Variants in PPP4R3B observed in about 807,000 individuals in gnomAD.
The protein encoded by PPP4R3B is serine/threonine-protein phosphatase 4 regulatory subunit 3B.
In PPP4R3B, 52 loss-of-function variants were observed where a neutral mutation model predicts 95.4. The ratio of observed to expected loss-of-function variants is 0.54; its 90% CI spans 0.44 to 0.69. The LOEUF is 0.69. Among genes scored for constraint, PPP4R3B ranks in the 30% least tolerant of loss-of-function variants. The pLI is 0.00. For synonymous variants in PPP4R3B, 407 were observed against 343.9 expected (o/e 1.18, Z -2.03); for missense variants, 1,003 against 1,005.9 (o/e 1.00, Z 0.04).
At chr2:55,606,384 A>C (rs934570094) in intron 2 of PPP4R3B, among the ~76,000 whole-genome samples, 2 of 152,126 alleles carry the variant, frequency 1.3e-5, no homozygotes, top group Admixed American at 1.3e-4. Flanking sequence ...ATATAAATCC[A>C]TATTTAAAAT....
intron 5 of PPP4R3B, among the ~76,000 whole-genome samples, chr2:55,588,190 G>C (rs572765621): frequency 6.6e-6 from 1 of 152,130 alleles, no homozygotes; most frequent in Non-Finnish European, 1.5e-5. Context: ...ATTTATTCAG[G>C]AAGCATTTTC....
At chr2:55,553,273 A>G (rs1370160300) in intron 16 of PPP4R3B, among the ~76,000 whole-genome samples, 7 of 152,222 alleles carry the variant, frequency 4.6e-5, no homozygotes, top group Admixed American at 3.9e-4. Flanking sequence ...AAGCTTTGCT[A>G]TGTAGGCACT....
At chr2:55,573,175 C>A (rs1688225478) in intron 12 of PPP4R3B, among the ~76,000 whole-genome samples, 1 of 151,972 alleles carries the variant, frequency 6.6e-6, no homozygotes, top group Non-Finnish European at 1.5e-5. Flanking sequence ...CAGAATAAAA[C>A]CACAAAGTAC....
At chr2:55,555,076 C>T (rs1042214449) in intron 16 of PPP4R3B, among the ~76,000 whole-genome samples, 11 of 151,856 alleles carry the variant, frequency 7.2e-5, no homozygotes, top group African/African-American at 1.9e-4. Context: ...GTCAGGAGAT[C>T]GAGAACATCC....
At chr2:55,551,692 A>G (rs1685266450) in intron 16 of PPP4R3B, among the ~76,000 whole-genome samples, 1 of 152,112 alleles carries the variant, frequency 6.6e-6, no homozygotes, top group Non-Finnish European at 1.5e-5. Context: ...CAGAGGCTGC[A>G]GTGAGCCAAG....
intron 13 of PPP4R3B, among the ~76,000 whole-genome samples, chr2:55,565,330 A>ATG (rs35781515): frequency 1.1e-4 from 16 of 148,370 alleles, no homozygotes; most frequent in African/African-American, 2.5e-5. Flanking sequence ...ATATATATAT[A>ATG]GCAGTTTACA....
intron 16 of PPP4R3B, among the ~76,000 whole-genome samples, chr2:55,553,378 A>G (rs1286365601): frequency 1.3e-5 from 2 of 152,186 alleles, no homozygotes; most frequent in East Asian, 1.9e-4. Flanking sequence ...GGGGGGAACT[A>G]CAAACAACTA....
At chr2:55,603,880 A>G in intron 3 of PPP4R3B, 98 bp downstream of exon 3, 1 of 714,104 alleles carries the variant, frequency 1.4e-6, no homozygotes, top group Non-Finnish European at 2.2e-6. Context: ...ACATTAAGAC[A>G]CTATCTCGCC....
chr2:55,612,509 A>C (rs1207099577), intron 2 of PPP4R3B, among the ~76,000 whole-genome samples: 2 of 152,202 alleles, frequency 1.3e-5, no homozygotes, highest in Non-Finnish European at 2.9e-5. Context: ...ACTTGAGGCC[A>C]GGAATTCAAA....
At chr2:55,616,153 C>G (rs1236385181) in intron 1 of PPP4R3B, among the ~76,000 whole-genome samples, 2 of 151,908 alleles carry the variant, frequency 1.3e-5, no homozygotes, top group East Asian at 3.9e-4. Flanking sequence ...TCAAGCCATT[C>G]GTTTTAACAA....
intron 13 of PPP4R3B, 141 bp downstream of exon 13, chr2:55,568,053 G>C: frequency 2.0e-6 from 1 of 490,408 alleles, no homozygotes; most frequent in Non-Finnish European, 3.2e-6. Context: ...CTGTTTATTA[G>C]AATAGATTCT....
chr2:55,580,990 C>T (rs1689368694), intron 8 of PPP4R3B, among the ~76,000 whole-genome samples: 1 of 152,170 alleles, frequency 6.6e-6, no homozygotes, highest in African/African-American at 2.4e-5. Flanking sequence ...TGGTGACTCA[C>T]ACCTGTAATC....
intron 7 of PPP4R3B, among the ~76,000 whole-genome samples, chr2:55,582,953 T>A (rs2104264048): frequency 6.6e-6 from 1 of 152,276 alleles, no homozygotes; most frequent in East Asian, 1.9e-4. Flanking sequence ...ATGACATTAT[T>A]GCTAAATTTA....
chr2:55,616,937 G>C (rs957484588), intron 1 of PPP4R3B, among the ~76,000 whole-genome samples: 3 of 152,130 alleles, frequency 2.0e-5, no homozygotes, highest in Admixed American at 1.3e-4. Context: ...ATCCTTAAGA[G>C]AGATGGGAGA....
intron 15 of PPP4R3B, among the ~76,000 whole-genome samples, chr2:55,562,894 C>T (rs1232660439): frequency 6.6e-6 from 1 of 152,216 alleles, no homozygotes; most frequent in Non-Finnish European, 1.5e-5. Context: ...TAATTTCTCT[C>T]ACAAGTCAAT....
At chr2:55,558,286 G>C (rs1178641050) in intron 16 of PPP4R3B, among the ~76,000 whole-genome samples, 1 of 152,162 alleles carries the variant, frequency 6.6e-6, no homozygotes, top group Admixed American at 6.5e-5. Flanking sequence ...ATCAACTTAA[G>C]TGCTCCAAAA....
chr2:55,602,427 G>C (rs1318355959), intron 3 of PPP4R3B, among the ~76,000 whole-genome samples: 1 of 152,128 alleles, frequency 6.6e-6, no homozygotes, highest in Non-Finnish European at 1.5e-5. Context: ...AGAATATCCT[G>C]CTTCATAATA....
At chr2:55,582,918 T>C (rs981777842) in intron 7 of PPP4R3B, among the ~76,000 whole-genome samples, 2 of 152,202 alleles carry the variant, frequency 1.3e-5, no homozygotes, top group Non-Finnish European at 2.9e-5. Flanking sequence ...AATATAAAAA[T>C]ATGTGCAATC....
At chr2:55,582,932 G>A (rs1309220784) in intron 7 of PPP4R3B, among the ~76,000 whole-genome samples, 1 of 151,898 alleles carries the variant, frequency 6.6e-6, no homozygotes, top group Non-Finnish European at 1.5e-5. Flanking sequence ...TGCAATCTGT[G>A]GCATAAAAAG....
Sources: gnomAD v4.1 joint callset for allele counts (sites outside exome capture counted in the v4.1 genomes callset) on GRCh38, gnomAD v4.1.1 for gene constraint, MANE v1.5 for transcripts, NCBI Gene and HGNC (gene_info 2026-07-23, HGNC 2026-07-21) for gene names.